The following COPA variants were observed in gnomAD, a reference collection of about 807,000 sequenced individuals.
COPA encodes the protein coatomer subunit alpha.
COPA carries 10 observed loss-of-function variants against 158.7 expected under a neutral mutation model. The ratio of observed to expected loss-of-function variants is 0.06; its 90% CI spans 0.04 to 0.11. The LOEUF (loss-of-function observed/expected upper bound fraction) is 0.11, where lower values mean the gene tolerates loss of function less well. COPA is among the 10% of genes least tolerant of loss of function. COPA has a pLI of 1.00. For synonymous variants in COPA, 462 were observed against 542.8 expected (o/e 0.85, Z 2.07); for missense variants, 1,065 against 1,536.7 (o/e 0.69, Z 5.13).
rs56849348 is a variant in COPA, at chr1:160,320,608, CAAAAAAAAAA to C, written c.706+2813_706+2822del. On this transcript the variant is annotated intron_variant, in intron 8 of 32. Transcript: ENST00000241704. Reference sequence around the variant, plus strand: ...TAGGCAACACAGCGAGACTCCAACTCAAAAAAAAAAAAAAAAAAAAAAAAGATTGAACCAC... The same window carrying C: ...TAGGCAACACAGCGAGACTCCAACTCAAAAAAAAAAAAAAGATTGAACCAC... 2.3e-3 allele frequency among the ~76,000 whole-genome samples: 35 copies of C among 15,504 alleles called. 3 individuals are homozygous for C. Among genetic ancestry groups the C allele is most frequent in the African/African-American group, 8.0e-3 (26 of 3,232 alleles). 10.2% of individuals were successfully genotyped at this position (15,504 alleles called of 152,430 possible). A position where few individuals can be genotyped will look rare whatever the true frequency, so the allele number is the denominator to read the frequency against.
chr1:160,294,515 A>G lies in COPA; in HGVS notation c.2645T>C (p.Val882Ala). ...AGGAGGGAGCTCCAGATCTTCTTCT[A>G]CATCCCAGCCACCTCCTTCTTCCTG... ...KGQEEGGGWDVEEDLELPPEL... is the reference protein window; with the variant it reads ...KGQEEGGGWDAEEDLELPPEL... The change falls in exon 25 of 33, where the codon GTA becomes GCA. Residue 882 changes from valine to alanine, a missense_variant. Coordinates refer to ENST00000241704, the MANE Select transcript of COPA (RefSeq NM_004371.4). 1 of 1,614,140 alleles carries G rather than the reference A, an allele frequency of 6.2e-7. No homozygotes were observed. Among genetic ancestry groups the G allele is most frequent in the Non-Finnish European group, 8.5e-7 (1 of 1,180,008 alleles).
chr1:160,313,626 G>C (rs1438246123), intron 9 of COPA, among the ~76,000 whole-genome samples: 2 of 152,100 alleles, frequency 1.3e-5, no homozygotes, highest in East Asian at 3.9e-4. Flanking sequence ...GTGTTAGCCA[G>C]GATGGTCTCA....
rs1244608710 is a variant in COPA at position 160,320,531 on chromosome 1, C to A, written c.706+2900G>T. Among the ~76,000 whole-genome samples, 17 of 140,394 alleles carry A rather than the reference C, an allele frequency of 1.2e-4. 1 individual carries two copies. The Admixed American group carries it at 1.3e-3, about 11-fold the overall frequency. 92.1% of individuals were successfully genotyped at this position (140,394 alleles called of 152,430 possible). A position where few individuals can be genotyped will look rare whatever the true frequency, so the allele number is the denominator to read the frequency against. On this transcript the variant is annotated intron_variant, in intron 8 of 32. Coordinates refer to ENST00000241704, the MANE Select transcript of COPA (RefSeq NM_004371.4). ...GGCTGAGGCAGGAGAATTGTTTGAA[C>A]CCAGGAGGTGGAGGCTGCAGTGAGC...
intron 8 of COPA, among the ~76,000 whole-genome samples, chr1:160,317,063 AAG>A (rs937299879): frequency 3.9e-5 from 6 of 152,244 alleles, no homozygotes; most frequent in African/African-American, 1.4e-4. Flanking sequence ...CATACAGGCC[AAG>A]AGAGAGAGGA....
chr1:160,320,203 T>C (rs892431793), intron 8 of COPA, among the ~76,000 whole-genome samples: 4 of 152,036 alleles, frequency 2.6e-5, no homozygotes, highest in African/African-American at 9.7e-5. Flanking sequence ...ACATAACAAC[T>C]GAGACCTCAG....
At chr1:160,332,985 C>T (rs1008542638) in intron 5 of COPA, among the ~76,000 whole-genome samples, 2 of 152,252 alleles carry the variant, frequency 1.3e-5, no homozygotes, top group South Asian at 2.1e-4. Context: ...AGTGCAGTGG[C>T]GCAATCTTGG....
At chr1:160,328,979 G>C (rs1647383385) in intron 6 of COPA, among the ~76,000 whole-genome samples, 1 of 152,136 alleles carries the variant, frequency 6.6e-6, no homozygotes, top group Admixed American at 6.6e-5. Flanking sequence ...CTAAATTTGG[G>C]AGTATTCATA....
At chr1:160,336,720 A>T (rs779971963) in intron 3 of COPA, among the ~76,000 whole-genome samples, 57 of 152,264 alleles carry the variant, frequency 3.7e-4, no homozygotes, top group Non-Finnish European at 6.6e-4. Context: ...TAATTTTTTT[A>T]AATTTCTTTT....
chr1:160,322,037 T>A (rs1299444783), intron 8 of COPA, among the ~76,000 whole-genome samples: 1 of 152,064 alleles, frequency 6.6e-6, no homozygotes, highest in African/African-American at 2.4e-5. Context: ...AATTACTACC[T>A]AAAGTAATTT....
intron 4 of COPA, among the ~76,000 whole-genome samples, chr1:160,334,323 A>G (rs944214199): frequency 1.3e-5 from 2 of 152,216 alleles, no homozygotes; most frequent in African/African-American, 4.8e-5. Flanking sequence ...TAGCAAGTAT[A>G]AGGCACACAC....
At chr1:160,295,972 G>GT in intron 22 of COPA, 89 bp downstream of exon 22, 1 of 1,578,432 alleles carries the variant, frequency 6.3e-7, no homozygotes, top group Non-Finnish European at 8.7e-7. Flanking sequence ...TGGTAACCAG[G>GT]TGGGAGAGTG....
At chr1:160,311,638 T>C (rs538144839) in intron 11 of COPA, among the ~76,000 whole-genome samples, 1 of 151,758 alleles carries the variant, frequency 6.6e-6, no homozygotes, top group African/African-American at 2.4e-5. Flanking sequence ...GTCCCAGTAC[T>C]TGGGAGGCTG....
intron 13 of COPA, 70 bp from the exon 14 acceptor site, chr1:160,307,315 T>C (rs1231213994): frequency 2.1e-6 from 3 of 1,432,476 alleles, no homozygotes; most frequent in Admixed American, 3.4e-5. Context: ...TCGGGTGCCA[T>C]GGAGCTGCCA....
In COPA at chr1:160,320,520, A is replaced by T. The variant is rs1204706845; in HGVS notation, c.706+2911T>A. Reference sequence around the variant, plus strand: ...GCTACTTGGGAGGCTGAGGCAGGAGAATTGTTTGAACCCAGGAGGTGGAGG... The same window carrying T: ...GCTACTTGGGAGGCTGAGGCAGGAGTATTGTTTGAACCCAGGAGGTGGAGG... On this transcript the variant is annotated intron_variant, in intron 8 of 32. Transcript: ENST00000241704. Among the ~76,000 whole-genome samples the T allele has an allele frequency of 3.6e-5, 5 of 138,706 alleles. No homozygotes were observed. The East Asian group carries it at 1.1e-3, about 30-fold the overall frequency. The allele number at this position is 138,706 out of a possible 152,430, so 91.0% of individuals were successfully genotyped here. A position where few individuals can be genotyped will look rare whatever the true frequency, so the allele number is the denominator to read the frequency against.
chr1:160,293,846 G>T (rs1218929193), intron 25 of COPA, among the ~76,000 whole-genome samples: 2 of 152,026 alleles, frequency 1.3e-5, no homozygotes, highest in Non-Finnish European at 2.9e-5. Context: ...GTTGAATCTA[G>T]AACACAACCA....
At chr1:160,326,749 T>C (rs1324112240) in intron 6 of COPA, among the ~76,000 whole-genome samples, 1 of 152,236 alleles carries the variant, frequency 6.6e-6, no homozygotes, top group African/African-American at 2.4e-5. Flanking sequence ...AAAACTGTCA[T>C]GTCATTTTAA....
At chr1:160,311,778 T>TGAAA in intron 11 of COPA, 90 bp downstream of exon 11, 1 of 1,204,350 alleles carries the variant, frequency 8.3e-7, no homozygotes, top group Non-Finnish European at 1.1e-6. Flanking sequence ...AATAAATAAA[T>TGAAA]GAAAGAAAGA....
At chr1:160,303,920 C>T (rs1658696542) in intron 17 of COPA, among the ~76,000 whole-genome samples, 1 of 152,116 alleles carries the variant, frequency 6.6e-6, no homozygotes, top group Non-Finnish European at 1.5e-5. Flanking sequence ...AAACAGAGAA[C>T]AGCAAAACAA....
chr1:160,322,476 C>A (rs1333145435), intron 8 of COPA, among the ~76,000 whole-genome samples: 2 of 152,122 alleles, frequency 1.3e-5, no homozygotes, highest in Non-Finnish European at 2.9e-5. Flanking sequence ...AACTATGAAA[C>A]TACTAGAAGA....
Sources: gnomAD v4.1 joint callset for allele counts (sites outside exome capture counted in the v4.1 genomes callset) on GRCh38, gnomAD v4.1.1 for gene constraint, MANE v1.5 for transcripts, NCBI Gene and HGNC (gene_info 2026-07-23, HGNC 2026-07-21) for gene names.